The following ZNF536 variants were observed in gnomAD, a reference collection of about 807,000 sequenced individuals.
ZNF536 encodes zinc finger protein 536.
In ZNF536, 13 loss-of-function variants were observed where a neutral mutation model predicts 84.5. The ratio of observed to expected loss-of-function variants is 0.15; its 90% CI spans 0.10 to 0.24. The LOEUF (loss-of-function observed/expected upper bound fraction) is 0.24. Ranked by LOEUF, ZNF536 falls within the 10% of genes least tolerant of loss-of-function variation. The pLI is 1.00. For missense variants in ZNF536, 1,536 were observed against 1,747.5 expected (o/e 0.88, Z 2.16); for synonymous variants, 811 against 742.5 (o/e 1.09, Z -1.50).
At chr19:30,502,838 A>G (rs2055006059) in intron 2 of ZNF536, among the ~76,000 whole-genome samples, 1 of 152,132 alleles carries the variant, frequency 6.6e-6, no homozygotes, top group Admixed American at 6.5e-5. Context: ...TGTCCCATTT[A>G]AAGTTGGATT....
At chr19:30,706,143 A>C (rs1015152296) in intron 1 of ZNF536, among the ~76,000 whole-genome samples, 1 of 152,214 alleles carries the variant, frequency 6.6e-6, no homozygotes, top group Non-Finnish European at 1.5e-5. Context: ...CATGTAGCAT[A>C]GGATTCATAC....
intron 2 of ZNF536, among the ~76,000 whole-genome samples, chr19:30,340,167 C>T (rs969567702): frequency 6.6e-6 from 1 of 152,148 alleles, no homozygotes. Context: ...TGCAGAGTCT[C>T]CCTAGCTCTG....
intron 2 of ZNF536, among the ~76,000 whole-genome samples, chr19:30,288,339 G>T (rs2045720358): frequency 6.6e-6 from 1 of 152,130 alleles, no homozygotes; most frequent in African/African-American, 2.4e-5. Flanking sequence ...CCATGACTTG[G>T]TCTCTGTGGG....
chr19:30,481,041 A>G (rs926310942), intron 2 of ZNF536, among the ~76,000 whole-genome samples: 1 of 152,024 alleles, frequency 6.6e-6, no homozygotes, highest in Non-Finnish European at 1.5e-5. Context: ...AAAAAAAAAA[A>G]AAAGGGTGGG....
chr19:30,407,499 G>T (rs934033504), intron 1 of ZNF536, among the ~76,000 whole-genome samples: 2 of 152,130 alleles, frequency 1.3e-5, no homozygotes, highest in African/African-American at 4.8e-5. Context: ...CAGGGTGAGA[G>T]CTCAGTCCCC....
At chr19:30,656,293 AT>A (rs1466488784) in intron 1 of ZNF536, among the ~76,000 whole-genome samples, 1 of 152,234 alleles carries the variant, frequency 6.6e-6, no homozygotes, top group East Asian at 1.9e-4. Flanking sequence ...AATGAATTTT[AT>A]CAGACTGCTT....
At chr19:30,571,987 A>C (rs1470740583) in intron 1 of ZNF536, among the ~76,000 whole-genome samples, 1 of 152,138 alleles carries the variant, frequency 6.6e-6, no homozygotes, top group East Asian at 1.9e-4. Context: ...GTCACTGTAC[A>C]TCCAAGCAAG....
intron 2 of ZNF536, among the ~76,000 whole-genome samples, chr19:30,287,241 G>T: frequency 6.6e-6 from 1 of 151,210 alleles, no homozygotes; most frequent in South Asian, 2.1e-4. Context: ...ATGGGTGGAG[G>T]GGTGGGTGGG....
intron 2 of ZNF536, among the ~76,000 whole-genome samples, chr19:30,510,300 T>C (rs1012169352): frequency 6.6e-6 from 1 of 152,208 alleles, no homozygotes; most frequent in African/African-American, 2.4e-5. Flanking sequence ...GATAAATGAA[T>C]ACGCAGATTG....
At chr19:30,360,826 C>T (rs1330700282) in intron 3 of ZNF536, among the ~76,000 whole-genome samples, 2 of 152,222 alleles carry the variant, frequency 1.3e-5, no homozygotes, top group Non-Finnish European at 1.5e-5. Flanking sequence ...TCGAGTCTAA[C>T]CCTGCTGTTA....
chr19:30,525,978 G>A (rs1479621221), intron 2 of ZNF536, among the ~76,000 whole-genome samples: 3 of 152,192 alleles, frequency 2.0e-5, no homozygotes, highest in Non-Finnish European at 4.4e-5. Context: ...CCAACCAGAG[G>A]CTGTTCCCAG....
intron 1 of ZNF536, among the ~76,000 whole-genome samples, chr19:30,413,243 T>A (rs1166223975): frequency 1.3e-5 from 2 of 152,150 alleles, no homozygotes; most frequent in East Asian, 1.9e-4. Flanking sequence ...TTTTTATGAA[T>A]CCCTTCTTAC....
intron 2 of ZNF536, among the ~76,000 whole-genome samples, chr19:30,468,940 C>A (rs766399381): frequency 6.6e-6 from 1 of 151,988 alleles, no homozygotes; most frequent in African/African-American, 2.4e-5. Flanking sequence ...ATTGTCACAC[C>A]CACCCCATAA....
chr19:30,407,851 G>A (rs771403669), intron 1 of ZNF536, among the ~76,000 whole-genome samples: 22 of 152,258 alleles, frequency 1.4e-4, no homozygotes, highest in East Asian at 3.9e-4. Context: ...ATCCAGTCCC[G>A]TGGGTGGAAA....
chr19:30,383,311 C>CA (rs11398659), intron 1 of ZNF536, among the ~76,000 whole-genome samples: 77,900 of 151,788 alleles, frequency 0.51, 22,408 homozygotes, highest in Non-Finnish European at 0.64. Flanking sequence ...AACAAACAAA[C>CA]AAAAAAAACA....
intron 1 of ZNF536, among the ~76,000 whole-genome samples, chr19:30,408,232 C>T (rs891301906): frequency 1.3e-5 from 2 of 152,186 alleles, no homozygotes; most frequent in African/African-American, 4.8e-5. Context: ...CCATTATAGA[C>T]CATGGGGAGA....
chr19:30,612,268 C>G (rs1364564268), intron 1 of ZNF536, among the ~76,000 whole-genome samples: 1 of 152,160 alleles, frequency 6.6e-6, no homozygotes, highest in Non-Finnish European at 1.5e-5. Flanking sequence ...TAGGATCTCC[C>G]CTGTCCCCCC....
chr19:30,640,759 A>T, intron 1 of ZNF536, among the ~76,000 whole-genome samples: 1 of 152,344 alleles, frequency 6.6e-6, no homozygotes, highest in African/African-American at 2.4e-5. Context: ...TTTCACAGAG[A>T]TCAGAGGCAC....
At chr19:30,677,210 G>C (rs748956514) in intron 1 of ZNF536, among the ~76,000 whole-genome samples, 1 of 152,216 alleles carries the variant, frequency 6.6e-6, no homozygotes, top group Non-Finnish European at 1.5e-5. Flanking sequence ...CAGACACCTG[G>C]CTGGTGCTCG....
Sources: allele counts gnomAD v4.1 joint callset (sites outside exome capture counted in the v4.1 genomes callset), GRCh38; gene constraint gnomAD v4.1.1; transcripts MANE v1.5; gene names NCBI Gene and HGNC (gene_info 2026-07-23, HGNC 2026-07-21).